EGFR: variants seen among roughly 807,000 people sequenced by gnomAD.
EGFR encodes the protein epidermal growth factor receptor.
Under a neutral mutation model 143.0 loss-of-function variants are expected in EGFR, and 58 were observed. The ratio of observed to expected loss-of-function variants is 0.41; its 90% CI spans 0.33 to 0.50. The LOEUF is 0.50. Among genes scored for constraint, EGFR ranks in the 20% least tolerant of loss-of-function variants. The probability of loss-of-function intolerance (pLI) is 0.39; values close to 1 mark genes in which losing one functional copy is unlikely to be tolerated. For synonymous variants in EGFR, 613 were observed against 594.4 expected, an observed-to-expected ratio of 1.03 and a Z score of -0.45; for missense variants, 1,307 against 1,579.0, an observed-to-expected ratio of 0.83 and a Z score of 2.92.
chr7:55,102,954 T>C (rs1311734594), intron 1 of EGFR, among the ~76,000 whole-genome samples: 1 of 152,220 alleles, frequency 6.6e-6, no homozygotes, highest in African/African-American at 2.4e-5. Context: ...TCAGACAATG[T>C]AATAAGAAGG....
Position 55,181,351 on chromosome 7 carries a change from G to A in EGFR, c.2342G>A (p.Cys781Tyr), listed in dbSNP as rs2128958570. ...NPHVCRLLGICLTSTVQLITQ... is the reference protein window; with the variant it reads ...NPHVCRLLGIYLTSTVQLITQ... ...CACGTGTGCCGCCTGCTGGGCATCTGCCTCACCTCCACCGTGCAGCTCATC... is the reference window on the plus strand; with the variant it reads ...CACGTGTGCCGCCTGCTGGGCATCTACCTCACCTCCACCGTGCAGCTCATC... Residue 781 changes from cysteine (C) to tyrosine (Y), a missense_variant, in exon 20 of 28, where the codon TGC becomes TAC. This residue lies in a region of EGFR where 348 missense variants were observed against 451.5 expected (regional missense o/e 0.77). Transcript: ENST00000275493. 6.2e-7 allele frequency: 1 copy of A among 1,614,218 alleles called. No individual in the cohort carries two copies. The highest frequency in any genetic ancestry group is 8.5e-7 in the Non-Finnish European group (1 of 1,180,044).
intron 1 of EGFR, among the ~76,000 whole-genome samples, chr7:55,023,517 G>A (rs181803140): frequency 4.7e-4 from 72 of 152,076 alleles, no homozygotes; most frequent in African/African-American, 1.4e-3. Context: ...TGGGCGTGGT[G>A]GCAGGTGCCT....
rs1788135658 is a variant in EGFR, at chr7:55,207,423, T to C, written c.*1806T>C. ...AAGATAAATAAAACATAGTCCCTGA[T>C]TCTAAGAAATTCACAATTTAGCAAA... On this transcript the variant is annotated 3_prime_UTR_variant, in exon 28 of 28. Coordinates refer to ENST00000275493, the MANE Select transcript of EGFR (RefSeq NM_005228.5). The C allele has an allele frequency of 5.0e-6, 1 of 199,258 alleles. No homozygotes were observed. The highest frequency in any genetic ancestry group is 1.9e-4 in the South Asian group (1 of 5,224). The allele number at this position is 199,258 out of a possible 1,614,324, so 12.3% of individuals were successfully genotyped here.
chr7:55,019,465 G>T (rs893132441), intron 1 of EGFR, 100 bp downstream of exon 1: 3 of 612,726 alleles, frequency 4.9e-6, no homozygotes, highest in Non-Finnish European at 6.6e-6. Context: ...CGGCGCCCGC[G>T]CCCCCGCCCG....
At chr7:55,071,910 A>T (rs1191370088) in intron 1 of EGFR, among the ~76,000 whole-genome samples, 1 of 152,230 alleles carries the variant, frequency 6.6e-6, no homozygotes, top group Non-Finnish European at 1.5e-5. Flanking sequence ...AGGCAAGGCA[A>T]AATATTCAGT....
rs534780443 is a variant in EGFR, at chr7:55,096,227, C to T, written c.89-46059C>T. Among the ~76,000 whole-genome samples, 29 of 152,334 alleles carry T rather than the reference C, an allele frequency of 1.9e-4. No individual in the cohort carries two copies. In the South Asian group the frequency reaches 5.8e-3, roughly 30 times the overall value. On this transcript the variant is annotated intron_variant, in intron 1 of 27. Coordinates refer to ENST00000275493, the MANE Select transcript of EGFR (RefSeq NM_005228.5). Reference sequence around the variant, plus strand: ...AGCCCTTTCTACCTCATTCCCAGACCCCACCTAAGCCTTTTCTCTTCAAAA... The same window carrying T: ...AGCCCTTTCTACCTCATTCCCAGACTCCACCTAAGCCTTTTCTCTTCAAAA...
intron 1 of EGFR, among the ~76,000 whole-genome samples, chr7:55,026,977 T>C (rs764778025): frequency 6.6e-6 from 1 of 152,034 alleles, no homozygotes; most frequent in Non-Finnish European, 1.5e-5. Flanking sequence ...GACCCCACCC[T>C]GGCCTCTGAG....
intron 1 of EGFR, among the ~76,000 whole-genome samples, chr7:55,102,974 T>C (rs1408997697): frequency 6.6e-6 from 1 of 152,216 alleles, no homozygotes; most frequent in Non-Finnish European, 1.5e-5. Context: ...GCCACGTGCT[T>C]TGACTTCTGT....
chr7:55,154,081 C>T lies in EGFR; in HGVS notation c.818C>T (p.Thr273Ile), dbSNP rs1785289358. Residue 273 changes from threonine to isoleucine, a missense_variant, in exon 7 of 28, where the codon ACC becomes ATC. Thr to Ile is a moderately conservative substitution (Grantham distance 89). Transcript: ENST00000275493. ...TCPPLMLYNP[T>I]TYQMDVNPEG... ...CCCCCACTCATGCTCTACAACCCCA[C>T]CACGTACCAGATGGATGTGAACCCC... The T allele has an allele frequency of 6.2e-7, 1 of 1,614,236 alleles. No homozygotes were observed. The highest frequency in any genetic ancestry group is 8.5e-7 in the Non-Finnish European group (1 of 1,180,052).
At chr7:55,030,818 A>T (rs1787203122) in intron 1 of EGFR, among the ~76,000 whole-genome samples, 1 of 152,220 alleles carries the variant, frequency 6.6e-6, no homozygotes, top group African/African-American at 2.4e-5. Flanking sequence ...TCTGGCTGGG[A>T]TTTACTTGCA....
At chr7:55,141,299 T>C (rs1286836240) in intron 1 of EGFR, among the ~76,000 whole-genome samples, 1 of 152,222 alleles carries the variant, frequency 6.6e-6, no homozygotes, top group Non-Finnish European at 1.5e-5. Flanking sequence ...AAGAACTAGT[T>C]CTGTAAATAC....
intron 20 of EGFR, among the ~76,000 whole-genome samples, chr7:55,185,746 G>A (rs1787105603): frequency 6.6e-6 from 1 of 152,182 alleles, no homozygotes; most frequent in East Asian, 1.9e-4. Flanking sequence ...CGGTAGCGGT[G>A]GGGCAGGGTT....
At chr7:55,077,289 A>G (rs1212058391) in intron 1 of EGFR, among the ~76,000 whole-genome samples, 2 of 152,208 alleles carry the variant, frequency 1.3e-5, no homozygotes, top group African/African-American at 4.8e-5. Context: ...CCTCAAGCAC[A>G]CAGAAAAATT....
rs1003773942 is a variant in EGFR, at chr7:55,209,782, A to G, written c.*4165A>G. 18 of 152,218 alleles carry G rather than the reference A, an allele frequency of 1.2e-4. No individual in the cohort carries two copies. Among genetic ancestry groups the G allele is most frequent in the African/African-American group, 1.7e-4 (7 of 41,454 alleles). 9.4% of individuals were successfully genotyped at this position (152,218 alleles called of 1,614,324 possible). A position where few individuals can be genotyped will look rare whatever the true frequency, so the allele number is the denominator to read the frequency against. ...TTGCGGGATATAGTTCTCTTTATGT[A>G]GCACTGAACTTTGTACAATATATTT... On this transcript the variant is annotated 3_prime_UTR_variant, in exon 28 of 28. Coordinates refer to ENST00000275493, the MANE Select transcript of EGFR (RefSeq NM_005228.5).
At position 55,172,969 on chromosome 7, in the gene EGFR, C is replaced by G. The variant is rs748819970; in HGVS notation, c.1920-14C>G. 3.1e-6 allele frequency: 5 copies of G among 1,614,196 alleles called. No individual in the cohort carries two copies. The South Asian group carries it at 5.5e-5, about 18-fold the overall frequency. On this transcript the variant is annotated splice_polypyrimidine_tract_variant and intron_variant, in intron 16 of 27. Transcript: ENST00000275493. ...AGCAACCTCACCCTTCCTTGTTCCT[C>G]CACCTCATTCCAGGCCTAAGATCCC...
Position 55,154,084 on chromosome 7 carries a change from C to T in EGFR, c.821C>T (p.Thr274Met), listed in dbSNP as rs966001143. 7.4e-6 allele frequency: 12 copies of T among 1,614,134 alleles called. No homozygotes were observed. The highest frequency in any genetic ancestry group is 1.1e-5 in the South Asian group (1 of 91,094). Residue 274 changes from threonine to methionine, a missense_variant, in exon 7 of 28, where the codon ACG becomes ATG. This residue lies in a region of EGFR where 311 missense variants were observed against 412.3 expected (regional missense o/e 0.75). Coordinates refer to ENST00000275493, the MANE Select transcript of EGFR (RefSeq NM_005228.5). ...CPPLMLYNPT[T>M]YQMDVNPEGK... ...CCACTCATGCTCTACAACCCCACCA[C>T]GTACCAGATGGATGTGAACCCCGAG...
chr7:55,176,457 C>T (rs752969290), intron 19 of EGFR, among the ~76,000 whole-genome samples: 2 of 152,106 alleles, frequency 1.3e-5, no homozygotes, highest in African/African-American at 2.4e-5. Context: ...TGGTGGCTTT[C>T]GCCTGTAATC....
intron 1 of EGFR, among the ~76,000 whole-genome samples, chr7:55,108,950 G>A (rs1792299344): frequency 6.6e-6 from 1 of 152,196 alleles, no homozygotes; most frequent in South Asian, 2.1e-4. Flanking sequence ...TCTTAGTGGG[G>A]AAAGAGAAAT....
chr7:55,092,769 C>G (rs1023723134), intron 1 of EGFR, among the ~76,000 whole-genome samples: 1 of 152,238 alleles, frequency 6.6e-6, no homozygotes, highest in African/African-American at 2.4e-5. Flanking sequence ...CCTGCCCCGG[C>G]GTCAGCCGCT....
Sources: allele counts gnomAD v4.1 joint callset (sites outside exome capture counted in the v4.1 genomes callset), GRCh38; gene constraint gnomAD v4.1.1; regional missense constraint gnomAD v4.1.1; transcripts MANE v1.5; gene names NCBI Gene and HGNC (gene_info 2026-07-23, HGNC 2026-07-21).